HCN1: variants seen among roughly 807,000 people sequenced by gnomAD.
The protein encoded by HCN1 is hyperpolarization activated cyclic nucleotide gated potassium channel 1.
In HCN1, 13 loss-of-function variants were observed where a neutral mutation model predicts 78.9. The observed-to-expected ratio is 0.16, with a 90% CI of 0.11 to 0.26. The LOEUF is 0.26. Among genes scored for constraint, HCN1 ranks in the 10% least tolerant of loss-of-function variants. The pLI is 1.00. For synonymous variants in HCN1, 552 were observed against 455.5 expected, an observed-to-expected ratio of 1.21 and a Z score of -2.70; for missense variants, 810 against 1,154.3, an observed-to-expected ratio of 0.70 and a Z score of 4.32.
At chr5:45,348,219 C>T (rs1746793194) in intron 5 of HCN1, among the ~76,000 whole-genome samples, 1 of 152,148 alleles carries the variant, frequency 6.6e-6, no homozygotes, top group South Asian at 2.1e-4. Flanking sequence ...ATTCAAAGTT[C>T]TTAAAGAAAA....
intron 2 of HCN1, among the ~76,000 whole-genome samples, chr5:45,585,279 G>T (rs1441812471): frequency 6.6e-6 from 1 of 151,778 alleles, no homozygotes; most frequent in African/African-American, 2.4e-5. Flanking sequence ...TCATTCATTT[G>T]ATCTTCCATC....
intron 5 of HCN1, among the ~76,000 whole-genome samples, chr5:45,332,699 T>C (rs1018184617): frequency 2.6e-5 from 4 of 151,730 alleles, no homozygotes; most frequent in African/African-American, 9.7e-5. Flanking sequence ...AGTTCAATTG[T>C]TTTCATTTTT....
chr5:45,276,450 T>C (rs190461013), intron 6 of HCN1, among the ~76,000 whole-genome samples: 14 of 152,234 alleles, frequency 9.2e-5, no homozygotes, highest in African/African-American at 3.4e-4. Context: ...GTATTACCAC[T>C]GATAAGCTTC....
intron 2 of HCN1, among the ~76,000 whole-genome samples, chr5:45,500,879 C>T (rs1742174141): frequency 6.6e-6 from 1 of 152,092 alleles, no homozygotes; most frequent in Non-Finnish European, 1.5e-5. Flanking sequence ...AAGTTTCTCC[C>T]CAATTTACTA....
At position 45,262,464 on chromosome 5, in the gene HCN1, G is replaced by A; in HGVS notation, c.2130C>T (p.Ser710=). ...TTAVCSPPVQ[S]PLAARTFHYA... ...AGTGGAAAGTTCGAGCGGCCAGAGG[G>A]CTCTGTACAGGAGGGCTGCAGACCG... Residue 710 remains serine, a synonymous_variant, in exon 8 of 8, where the codon AGC becomes AGT. Transcript: ENST00000303230. The A allele has an allele frequency of 1.2e-6, 2 of 1,612,930 alleles. No individual in the cohort carries two copies. Among genetic ancestry groups the A allele is most frequent in the Non-Finnish European group, 1.7e-6 (2 of 1,179,846 alleles).
intron 6 of HCN1, among the ~76,000 whole-genome samples, chr5:45,298,006 C>T (rs1252088890): frequency 1.3e-5 from 2 of 151,884 alleles, no homozygotes; most frequent in Non-Finnish European, 2.9e-5. Flanking sequence ...GTTCAATTAG[C>T]ATCATACTTA....
intron 2 of HCN1, among the ~76,000 whole-genome samples, chr5:45,616,240 A>G (rs1744947555): frequency 1.3e-5 from 2 of 151,996 alleles, no homozygotes; most frequent in East Asian, 1.9e-4. Flanking sequence ...GCATAACGTG[A>G]TAATACATGG....
At chr5:45,372,415 A>G (rs1275193557) in intron 4 of HCN1, among the ~76,000 whole-genome samples, 2 of 120,832 alleles carry the variant, frequency 1.7e-5, no homozygotes, top group Middle Eastern at 0.012. Flanking sequence ...ATAATTATAT[A>G]AATATGTAAA....
chr5:45,488,056 T>C (rs956670167), intron 2 of HCN1, among the ~76,000 whole-genome samples: 1 of 152,094 alleles, frequency 6.6e-6, no homozygotes, highest in Non-Finnish European at 1.5e-5. Context: ...TGAATACATA[T>C]GCAACCTAAT....
intron 2 of HCN1, among the ~76,000 whole-genome samples, chr5:45,540,279 A>G (rs1743073798): frequency 6.6e-6 from 1 of 151,790 alleles, no homozygotes; most frequent in Admixed American, 6.6e-5. Flanking sequence ...TTATCTCATA[A>G]TCTTCTGCAA....
At chr5:45,370,777 C>G (rs951468543) in intron 4 of HCN1, among the ~76,000 whole-genome samples, 12 of 152,138 alleles carry the variant, frequency 7.9e-5, no homozygotes, top group African/African-American at 2.9e-4. Flanking sequence ...GGTATTCTTA[C>G]TCTTCACTGA....
chr5:45,297,594 G>T (rs533184565), intron 6 of HCN1, among the ~76,000 whole-genome samples: 9 of 152,156 alleles, frequency 5.9e-5, no homozygotes, highest in Admixed American at 3.3e-4. Flanking sequence ...AGCAGAAGGA[G>T]CACTTTCAAA....
intron 2 of HCN1, among the ~76,000 whole-genome samples, chr5:45,504,957 T>C (rs1359987922): frequency 6.6e-6 from 1 of 152,226 alleles, no homozygotes; most frequent in East Asian, 1.9e-4. Context: ...GTTTGTTTTT[T>C]TCTTGTAAAT....
rs531808779 is a variant in HCN1 at position 45,429,512 on chromosome 5, G to A, written c.1011+32334C>T. Among the ~76,000 whole-genome samples, 44 of 152,024 alleles carry A rather than the reference G, an allele frequency of 2.9e-4. No homozygotes were observed. In the East Asian group the frequency reaches 3.1e-3, roughly 11 times the overall value. ...TTGAGAGGGGTGAATGTGAGGACAC[G>A]AGTTGCATGACAGATAAGAAAAAAA... On this transcript the variant is annotated intron_variant, in intron 3 of 7. Coordinates refer to ENST00000303230, the MANE Select transcript of HCN1 (RefSeq NM_021072.4).
At chr5:45,294,104 T>A (rs1271791574) in intron 6 of HCN1, among the ~76,000 whole-genome samples, 1 of 151,974 alleles carries the variant, frequency 6.6e-6, no homozygotes, top group Admixed American at 6.6e-5. Context: ...CCTTATGCCT[T>A]CTAGAAAACC....
In HCN1 at chr5:45,365,427, A is replaced by G. The variant is rs907615926; in HGVS notation, c.1231-12181T>C. On this transcript the variant is annotated intron_variant, in intron 4 of 7. Coordinates refer to ENST00000303230, the MANE Select transcript of HCN1 (RefSeq NM_021072.4). Reference sequence around the variant, plus strand: ...TGTACCCATTGTTTTGCTCACATTTATAAGTGAGAACATATGATATTTGAT... The same window carrying G: ...TGTACCCATTGTTTTGCTCACATTTGTAAGTGAGAACATATGATATTTGAT... Among the ~76,000 whole-genome samples the G allele has an allele frequency of 7.9e-5, 12 of 152,106 alleles. No homozygotes were observed. The East Asian group carries it at 1.7e-3, about 22-fold the overall frequency.
At chr5:45,343,852 A>T (rs1480372267) in intron 5 of HCN1, among the ~76,000 whole-genome samples, 1 of 151,932 alleles carries the variant, frequency 6.6e-6, no homozygotes, top group African/African-American at 2.4e-5. Flanking sequence ...AGCCAAAAAA[A>T]AATTAAAAAT....
chr5:45,567,455 C>T (rs748874412), intron 2 of HCN1, among the ~76,000 whole-genome samples: 1 of 151,932 alleles, frequency 6.6e-6, no homozygotes, highest in Non-Finnish European at 1.5e-5. Flanking sequence ...GTGAATAGCA[C>T]TGAGCTGCTT....
At chr5:45,291,702 T>C (rs935276028) in intron 6 of HCN1, among the ~76,000 whole-genome samples, 2 of 151,846 alleles carry the variant, frequency 1.3e-5, no homozygotes, top group African/African-American at 4.8e-5. Context: ...AGCTACTTTC[T>C]GATTTTTTGT....
Sources: gnomAD v4.1 joint callset for allele counts (sites outside exome capture counted in the v4.1 genomes callset) on GRCh38, gnomAD v4.1.1 for gene constraint, MANE v1.5 for transcripts, NCBI Gene and HGNC (gene_info 2026-07-23, HGNC 2026-07-21) for gene names.